Variants in ARHGAP15 observed in about 807,000 individuals in gnomAD.
ARHGAP15 encodes the protein rho GTPase-activating protein 15.
In ARHGAP15, 51 loss-of-function variants were observed where a neutral mutation model predicts 63.7. The observed-to-expected ratio is 0.80, with a 90% CI of 0.64 to 1.01. ARHGAP15 has a LOEUF of 1.01. Among genes scored for constraint, ARHGAP15 ranks in the 50% least tolerant of loss-of-function variants. The pLI is 0.00. For missense variants in ARHGAP15, 560 were observed against 564.6 expected, an observed-to-expected ratio of 0.99 and a Z score of 0.08; for synonymous variants, 191 against 193.8, an observed-to-expected ratio of 0.99 and a Z score of 0.12.
intron 13 of ARHGAP15, among the ~76,000 whole-genome samples, chr2:143,743,249 GAAT>G (rs1177750488): frequency 6.6e-6 from 1 of 152,116 alleles, no homozygotes; most frequent in Non-Finnish European, 1.5e-5. Context: ...TCTAAAATGG[GAAT>G]AATAGTACCT....
intron 11 of ARHGAP15, among the ~76,000 whole-genome samples, chr2:143,602,666 G>A (rs1327021326): frequency 6.6e-6 from 1 of 152,000 alleles, no homozygotes; most frequent in Non-Finnish European, 1.5e-5. Flanking sequence ...GGAAGGGAGG[G>A]AGGAAGAAAA....
At chr2:143,688,931 A>C (rs1683472023) in intron 12 of ARHGAP15, among the ~76,000 whole-genome samples, 1 of 152,138 alleles carries the variant, frequency 6.6e-6, no homozygotes, top group African/African-American at 2.4e-5. Flanking sequence ...TACCACCTCG[A>C]TAATATTTTC....
chr2:143,502,688 T>C (rs1693119458), intron 9 of ARHGAP15, among the ~76,000 whole-genome samples: 1 of 151,994 alleles, frequency 6.6e-6, no homozygotes, highest in African/African-American at 2.4e-5. Context: ...CAAGCAATTC[T>C]CCTGCCTCAG....
chr2:143,463,266 G>C (rs947688881), intron 8 of ARHGAP15, among the ~76,000 whole-genome samples: 14 of 152,054 alleles, frequency 9.2e-5, no homozygotes, highest in African/African-American at 3.4e-4. Flanking sequence ...TATAGGCCGG[G>C]TGCGGTGGCT....
intron 6 of ARHGAP15, among the ~76,000 whole-genome samples, chr2:143,307,373 T>C (rs1265569309): frequency 6.6e-6 from 1 of 152,180 alleles, no homozygotes; most frequent in Admixed American, 6.6e-5. Context: ...CAAGGGGTTA[T>C]AATTTTGGAT....
chr2:143,237,501 A>T (rs1347615691), intron 5 of ARHGAP15: 2 of 152,174 alleles, frequency 1.3e-5, no homozygotes, highest in Non-Finnish European at 2.9e-5. Flanking sequence ...GAGAGCGAAA[A>T]ACATGCTGTC....
chr2:143,472,992 C>T (rs775872729), intron 8 of ARHGAP15, among the ~76,000 whole-genome samples: 5 of 152,096 alleles, frequency 3.3e-5, no homozygotes, highest in South Asian at 2.1e-4. Flanking sequence ...TATTGATCAC[C>T]GCTACATACT....
chr2:143,236,888 A>G (rs1693674437), intron 5 of ARHGAP15: 1 of 152,098 alleles, frequency 6.6e-6, no homozygotes. Context: ...TGGAGTGAAT[A>G]TTTCCTAGTC....
intron 1 of ARHGAP15, among the ~76,000 whole-genome samples, chr2:143,152,676 T>C (rs1339224490): frequency 6.6e-6 from 1 of 151,952 alleles, no homozygotes; most frequent in African/African-American, 2.4e-5. Context: ...CCCAGAGCAA[T>C]ATAGTGGTCT....
intron 12 of ARHGAP15, among the ~76,000 whole-genome samples, chr2:143,638,694 AAAAAAAAAC>A (rs1680461660): frequency 1.3e-5 from 2 of 150,302 alleles, no homozygotes; most frequent in Non-Finnish European, 3.0e-5. Flanking sequence ...TATTAAAAAA[AAAAAAAAAC>A]TCAGAGAAGA....
At chr2:143,467,242 C>CTTTTTTT (rs202115707) in intron 8 of ARHGAP15, among the ~76,000 whole-genome samples, 4 of 57,908 alleles carry the variant, frequency 6.9e-5, no homozygotes, top group African/African-American at 2.3e-4. Context: ...ACTCCATGGC[C>CTTTTTTT]TTTTTTTTTT....
At chr2:143,623,776 G>A (rs2105240409) in intron 11 of ARHGAP15, among the ~76,000 whole-genome samples, 1 of 152,354 alleles carries the variant, frequency 6.6e-6, no homozygotes, top group Admixed American at 6.5e-5. Context: ...GCCATCATTG[G>A]CAACTCTTAG....
At chr2:143,226,301 T>C (rs1334675662) in intron 4 of ARHGAP15, among the ~76,000 whole-genome samples, 1 of 152,186 alleles carries the variant, frequency 6.6e-6, no homozygotes, top group East Asian at 1.9e-4. Context: ...CTGAAACAGA[T>C]CCAAATCAGA....
At chr2:143,764,956 A>G (rs1484724779) in intron 13 of ARHGAP15, among the ~76,000 whole-genome samples, 1 of 152,068 alleles carries the variant, frequency 6.6e-6, no homozygotes, top group Non-Finnish European at 1.5e-5. Flanking sequence ...TACCTTCTCC[A>G]TGGCCCATGA....
chr2:143,271,756 A>G (rs566829584), intron 6 of ARHGAP15, among the ~76,000 whole-genome samples: 359 of 152,322 alleles, frequency 2.4e-3, no homozygotes, highest in South Asian at 9.3e-3. Flanking sequence ...GATTACAGGC[A>G]TGAGCCACCG....
At chr2:143,334,930 A>ACTCTTATT (rs1684705440) in intron 6 of ARHGAP15, among the ~76,000 whole-genome samples, 1 of 152,232 alleles carries the variant, frequency 6.6e-6, no homozygotes, top group Admixed American at 6.5e-5. Flanking sequence ...TGCTATGCAC[A>ACTCTTATT]TACTACTGTA....
At chr2:143,334,146 A>G (rs1405635406) in intron 6 of ARHGAP15, among the ~76,000 whole-genome samples, 2 of 152,168 alleles carry the variant, frequency 1.3e-5, no homozygotes, top group African/African-American at 4.8e-5. Flanking sequence ...ACCATACTGA[A>G]ATGGTAGGAA....
At chr2:143,623,952 A>G (rs1164196531) in intron 11 of ARHGAP15, among the ~76,000 whole-genome samples, 181 bp from the exon 12 acceptor site, 1 of 152,170 alleles carries the variant, frequency 6.6e-6, no homozygotes, top group African/African-American at 2.4e-5. Flanking sequence ...ATGGTATTCC[A>G]TTGAAAATGT....
At chr2:143,621,808 T>G (rs1347926523) in intron 11 of ARHGAP15, among the ~76,000 whole-genome samples, 1 of 152,204 alleles carries the variant, frequency 6.6e-6, no homozygotes, top group Non-Finnish European at 1.5e-5. Flanking sequence ...GATATTAATG[T>G]GGAAATGAGT....
Sources: gnomAD v4.1 joint callset for allele counts (sites outside exome capture counted in the v4.1 genomes callset) on GRCh38, gnomAD v4.1.1 for gene constraint, MANE v1.5 for transcripts, NCBI Gene and HGNC (gene_info 2026-07-23, HGNC 2026-07-21) for gene names.